TRPM7: variants seen among roughly 807,000 people sequenced by gnomAD.
The protein encoded by TRPM7 is transient receptor potential cation channel subfamily M member 7, also known as LTRPC ion channel family member 7.
In TRPM7, 134 loss-of-function variants were observed where a neutral mutation model predicts 229.7. The ratio of observed to expected loss-of-function variants is 0.58; its 90% confidence interval spans 0.51 to 0.67. TRPM7 has a LOEUF of 0.67. Among genes scored for constraint, TRPM7 ranks in the 30% least tolerant of loss-of-function variants. The pLI, the probability that TRPM7 is intolerant of heterozygous loss-of-function variation, is 0.00. For synonymous variants in TRPM7, 699 were observed against 715.2 expected (o/e 0.98, Z 0.36); for missense variants, 1,901 against 2,210.0 (o/e 0.86, Z 2.80).
At chr15:50,601,789 A>G (rs963712243) in intron 21 of TRPM7, among the ~76,000 whole-genome samples, 1 of 152,012 alleles carries the variant, frequency 6.6e-6, no homozygotes, top group African/African-American at 2.4e-5. Flanking sequence ...AAGTAATTGC[A>G]GTTTTTGCAA....
Position 50,574,278 on chromosome 15 carries a change from C to A in TRPM7, c.5304G>T (p.Leu1768Phe). The A allele has an allele frequency of 6.2e-7, 1 of 1,612,884 alleles. No homozygotes were observed. The highest frequency in any genetic ancestry group is 8.5e-7 in the Non-Finnish European group (1 of 1,179,002). The change falls in exon 36 of 39, where the codon TTG (leucine) becomes TTT (phenylalanine). Residue 1768 changes from leucine (L) to phenylalanine (F), a missense_variant. By Grantham distance (22) the Leu-to-Phe change is conservative. Transcript: ENST00000646667. ...YTRGELLVLD[L>F]QGVGENLTDP... ...GCAATATTTTAATAAATTTACCTTG[C>A]AAATCAAGTACCAGTAACTCCCCTC...
chr15:50,615,905 A>T (rs1263956401), intron 13 of TRPM7, among the ~76,000 whole-genome samples: 1 of 152,174 alleles, frequency 6.6e-6, no homozygotes, highest in Non-Finnish European at 1.5e-5. Flanking sequence ...TCAAAAAAAT[A>T]TATATATATT....
intron 7 of TRPM7, among the ~76,000 whole-genome samples, chr15:50,635,328 A>G (rs2060861661): frequency 6.9e-6 from 1 of 144,248 alleles, no homozygotes; most frequent in Non-Finnish European, 1.5e-5. Flanking sequence ...TAAAAAAAAA[A>G]AAAAAAAAAA....
intron 1 of TRPM7, among the ~76,000 whole-genome samples, chr15:50,682,207 A>AAAAATATGTC (rs1046254685): frequency 6.9e-6 from 1 of 144,260 alleles, no homozygotes; most frequent in Non-Finnish European, 1.5e-5. Context: ...GTGACCTGGC[A>AAAAATATGTC]AAAATATGTC....
intron 1 of TRPM7, among the ~76,000 whole-genome samples, chr15:50,669,741 T>A (rs557959933): frequency 6.6e-6 from 1 of 152,172 alleles, no homozygotes; most frequent in South Asian, 2.1e-4. Flanking sequence ...CTGACCTTGC[T>A]TTCTCCTGTG....
intron 21 of TRPM7, chr15:50,604,508 T>C (rs978067267): frequency 2.6e-5 from 4 of 153,378 alleles, no homozygotes; most frequent in African/African-American, 7.3e-5. Flanking sequence ...GAGGCAGAGG[T>C]TGCAGTGAGC....
At chr15:50,597,848 G>A (rs563210518) in intron 22 of TRPM7, among the ~76,000 whole-genome samples, 1 of 152,112 alleles carries the variant, frequency 6.6e-6, no homozygotes, top group South Asian at 2.1e-4. Flanking sequence ...GAACCTGGAA[G>A]ACAGAGGTTG....
chr15:50,658,512 G>A (rs543182602), intron 2 of TRPM7, among the ~76,000 whole-genome samples: 1 of 151,534 alleles, frequency 6.6e-6, no homozygotes, highest in Non-Finnish European at 1.5e-5. Context: ...CGAGGCTAAA[G>A]TGAGCCATGA....
intron 10 of TRPM7, 64 bp downstream of exon 10, chr15:50,631,351 CAT>C: frequency 1.1e-6 from 1 of 907,928 alleles, no homozygotes. Flanking sequence ...CATATACACA[CAT>C]ACACACACAT....
chr15:50,636,131 G>A (rs1484666733), intron 7 of TRPM7, among the ~76,000 whole-genome samples: 1 of 150,416 alleles, frequency 6.6e-6, no homozygotes. Context: ...ATAACTTGCG[G>A]TGCACAGAGA....
rs1201311580 is a variant in TRPM7 at position 50,561,644 on chromosome 15, T to C, written c.*34A>G. The C allele has an allele frequency of 8.1e-6, 13 of 1,601,726 alleles. No homozygotes were observed. The highest frequency in any genetic ancestry group is 1.0e-5 in the Non-Finnish European group (12 of 1,176,616). The stretch of plus-strand genomic sequence containing the variant: ...GTGACACAGTAACATTTCTGTGAGG[T>C]GCAGGCAAAACCAATGATTCAGTAA... On this transcript the variant is annotated 3_prime_UTR_variant, in exon 39 of 39. Transcript: ENST00000646667.
chr15:50,607,289 C>CCA lies in TRPM7; in HGVS notation c.2618_2619dup (p.Val874TrpfsTer40). ...GGTAACTGTTCCATTTGTACAAGAACCACAAATGTATAAAGCATCAGAAAT... is the reference window on the plus strand; with the variant it reads ...GGTAACTGTTCCATTTGTACAAGAACCACACAAATGTATAAAGCATCAGAAAT... On this transcript the variant is annotated frameshift_variant, in exon 20 of 39. Transcript: ENST00000646667. LOFTEE classifies it high-confidence loss of function. The CCA allele has an allele frequency of 6.2e-7, 1 of 1,604,246 alleles. No individual in the cohort carries two copies. The highest frequency in any genetic ancestry group is 1.1e-5 in the South Asian group (1 of 88,798).
chr15:50,597,829 G>C (rs1444058392), intron 22 of TRPM7, among the ~76,000 whole-genome samples: 1 of 151,942 alleles, frequency 6.6e-6, no homozygotes, highest in Non-Finnish European at 1.5e-5. Context: ...TGAGGCATGG[G>C]AATCACTTGA....
chr15:50,593,326 G>T (rs2059552830), intron 25 of TRPM7, among the ~76,000 whole-genome samples: 1 of 151,646 alleles, frequency 6.6e-6, no homozygotes. Flanking sequence ...TAATAATGAT[G>T]ATAATAAAAA....
chr15:50,617,871 C>G (rs2060272558), intron 13 of TRPM7, among the ~76,000 whole-genome samples: 1 of 151,976 alleles, frequency 6.6e-6, no homozygotes, highest in Non-Finnish European at 1.5e-5. Flanking sequence ...TTTGCCCAGG[C>G]TGGTCTCAAA....
At chr15:50,579,749 A>C (rs932726620) in intron 30 of TRPM7, among the ~76,000 whole-genome samples, 16 of 152,196 alleles carry the variant, frequency 1.1e-4, no homozygotes, top group African/African-American at 3.9e-4. Flanking sequence ...CCTGTGGCCC[A>C]GGTTTATTTT....
chr15:50,573,002 T>C (rs2053962126), intron 36 of TRPM7, among the ~76,000 whole-genome samples: 1 of 152,226 alleles, frequency 6.6e-6, no homozygotes, highest in Non-Finnish European at 1.5e-5. Context: ...TGACTCACTG[T>C]GAAGCTCAGC....
intron 28 of TRPM7, 38 bp from the exon 29 acceptor site, chr15:50,583,197 C>A: frequency 6.7e-7 from 1 of 1,503,398 alleles, no homozygotes; most frequent in Admixed American, 1.9e-5. Context: ...AGCTACACAA[C>A]TGAAGTTTTA....
intron 29 of TRPM7, among the ~76,000 whole-genome samples, chr15:50,581,845 T>C (rs2054428506): frequency 6.6e-6 from 1 of 152,232 alleles, no homozygotes; most frequent in South Asian, 2.1e-4. Context: ...TCTTTACCTT[T>C]AATATATTTT....
Sources: allele counts gnomAD v4.1 joint callset (sites outside exome capture counted in the v4.1 genomes callset), GRCh38; gene constraint gnomAD v4.1.1; transcripts MANE v1.5; gene names NCBI Gene and HGNC (gene_info 2026-07-23, HGNC 2026-07-21).